The following INPP4B variants were observed in gnomAD, a reference collection of about 807,000 sequenced individuals.
INPP4B encodes the protein inositol polyphosphate-4-phosphatase type II B, also known as inositol polyphosphate 4-phosphatase type II.
Under a neutral mutation model 122.5 loss-of-function variants are expected in INPP4B, and 55 were observed. That is an observed-to-expected ratio of 0.45 (90% CI 0.36 to 0.56). The LOEUF (loss-of-function observed/expected upper bound fraction) is 0.56, where lower values mean the gene tolerates loss of function less well. Ranked by LOEUF, INPP4B falls within the 20% of genes least tolerant of loss-of-function variation. The pLI, the probability that INPP4B is intolerant of heterozygous loss-of-function variation, is 0.00. For missense variants in INPP4B, 1,000 were observed against 1,097.7 expected (o/e 0.91, Z 1.26); for synonymous variants, 403 against 388.7 (o/e 1.04, Z -0.43).
At position 142,025,913 on chromosome 4, in the gene INPP4B, A is replaced by G. The variant is rs2152244742; in HGVS notation, c.*2869T>C. ...TTTGGCAGAGTGTAGACAAACCTCAAGGCGATATTTAAAAGCAAAAAGCAA... is the reference window on the plus strand; with the variant it reads ...TTTGGCAGAGTGTAGACAAACCTCAGGGCGATATTTAAAAGCAAAAAGCAA... On this transcript the variant is annotated 3_prime_UTR_variant, in exon 26 of 26. Transcript: ENST00000262992. 6.6e-6 allele frequency: 1 copy of G among 152,324 alleles called. No homozygotes were observed. Among genetic ancestry groups the G allele is most frequent in the Middle Eastern group, 3.4e-3 (1 of 294 alleles). The allele number at this position is 152,324 out of a possible 1,614,324, so 9.4% of individuals were successfully genotyped here. A position where few individuals can be genotyped will look rare whatever the true frequency, so the allele number is the denominator to read the frequency against.
chr4:142,193,858 T>A (rs1209586627), intron 14 of INPP4B, among the ~76,000 whole-genome samples: 2 of 152,160 alleles, frequency 1.3e-5, no homozygotes, highest in African/African-American at 4.8e-5. Flanking sequence ...CCTTTGATCT[T>A]GAAAGCCATG....
intron 7 of INPP4B, among the ~76,000 whole-genome samples, chr4:142,353,895 A>C (rs1782737579): frequency 6.6e-6 from 1 of 151,862 alleles, no homozygotes; most frequent in Non-Finnish European, 1.5e-5. Flanking sequence ...ATGGTTTCTA[A>C]AATGTTTTTG....
intron 7 of INPP4B, among the ~76,000 whole-genome samples, chr4:142,324,870 T>G (rs1048905831): frequency 6.6e-6 from 1 of 152,154 alleles, no homozygotes; most frequent in Non-Finnish European, 1.5e-5. Context: ...GGCCACTTAC[T>G]TGAGGCCCCT....
intron 2 of INPP4B, among the ~76,000 whole-genome samples, chr4:142,550,597 CA>C (rs1329319119): frequency 7.3e-5 from 1 of 13,648 alleles, no homozygotes; most frequent in Non-Finnish European, 4.3e-4. Flanking sequence ...TATACACACA[CA>C]CACACACATA....
At chr4:142,162,257 G>A (rs1375636521) in intron 16 of INPP4B, among the ~76,000 whole-genome samples, 3 of 149,702 alleles carry the variant, frequency 2.0e-5, no homozygotes, top group African/African-American at 4.9e-5. Flanking sequence ...TACTAGATAG[G>A]CAAAAAAAAG....
intron 7 of INPP4B, among the ~76,000 whole-genome samples, chr4:142,376,021 C>A (rs1045346570): frequency 1.3e-5 from 2 of 151,906 alleles, no homozygotes; most frequent in Admixed American, 6.6e-5. Context: ...ACATGGATAT[C>A]CATCTGCAGG....
chr4:142,495,083 T>G (rs1336908830), intron 2 of INPP4B, among the ~76,000 whole-genome samples: 1 of 152,178 alleles, frequency 6.6e-6, no homozygotes, highest in Non-Finnish European at 1.5e-5. Context: ...TCTTAATGAC[T>G]AATATTCTAC....
At position 142,309,747 on chromosome 4, in the gene INPP4B, T is replaced by A. The variant is rs187861611; in HGVS notation, c.424-4210A>T. Among the ~76,000 whole-genome samples the A allele has an allele frequency of 5.3e-3, 810 of 152,254 alleles. 8 individuals carry two copies. Among genetic ancestry groups the A allele is most frequent in the Non-Finnish European group, 7.9e-3 (534 of 68,002 alleles). On this transcript the variant is annotated intron_variant, in intron 8 of 25. Coordinates refer to ENST00000262992, the MANE Select transcript of INPP4B (RefSeq NM_001101669.3). ...TTGCCTGCTCATGACAACTCAACAC[T>A]CAGTTATTCTGGTGCAAGAACCCCA...
At chr4:142,804,886 C>T (rs1020419329) in intron 1 of INPP4B, among the ~76,000 whole-genome samples, 2 of 152,110 alleles carry the variant, frequency 1.3e-5, no homozygotes, top group African/African-American at 2.4e-5. Flanking sequence ...AGTCTGGTCT[C>T]GAACTCCTGG....
At chr4:142,571,175 C>T (rs895712641) in intron 2 of INPP4B, among the ~76,000 whole-genome samples, 10 of 151,394 alleles carry the variant, frequency 6.6e-5, no homozygotes, top group African/African-American at 2.4e-4. Context: ...CCCAGAAAAG[C>T]TTCCAATCCA....
At chr4:142,184,218 C>T (rs1427849840) in intron 15 of INPP4B, among the ~76,000 whole-genome samples, 1 of 152,190 alleles carries the variant, frequency 6.6e-6, no homozygotes, top group Non-Finnish European at 1.5e-5. Flanking sequence ...AAGAATGTCA[C>T]AACTTGGAGG....
chr4:142,510,437 A>G (rs1180888908), intron 2 of INPP4B, among the ~76,000 whole-genome samples: 1 of 152,234 alleles, frequency 6.6e-6, no homozygotes, highest in Non-Finnish European at 1.5e-5. Flanking sequence ...AATAATAAAG[A>G]ACAAACATAA....
chr4:142,622,345 A>G (rs1279252846), intron 2 of INPP4B, among the ~76,000 whole-genome samples: 1 of 151,538 alleles, frequency 6.6e-6, no homozygotes, highest in African/African-American at 2.4e-5. Context: ...AAAAGTCCCC[A>G]TCCCTTAACC....
intron 18 of INPP4B, among the ~76,000 whole-genome samples, chr4:142,132,579 T>C (rs1294083417): frequency 1.3e-5 from 2 of 152,218 alleles, no homozygotes; most frequent in Non-Finnish European, 1.5e-5. Flanking sequence ...GCATTGATTC[T>C]TTATGCTCTT....
At chr4:142,163,674 G>A (rs540613776) in intron 16 of INPP4B, among the ~76,000 whole-genome samples, 3 of 151,772 alleles carry the variant, frequency 2.0e-5, no homozygotes, top group South Asian at 4.2e-4. Context: ...GCATGTGTAG[G>A]AAAAAAACAG....
chr4:142,638,003 A>G (rs79036383), intron 2 of INPP4B, among the ~76,000 whole-genome samples: 1,753 of 152,292 alleles, frequency 0.012, 30 homozygotes, highest in African/African-American at 0.032. Flanking sequence ...TCTTTCTTGA[A>G]GTATATTTTT....
At chr4:142,393,733 C>T (rs568100460) in intron 7 of INPP4B, among the ~76,000 whole-genome samples, 26 of 152,342 alleles carry the variant, frequency 1.7e-4, no homozygotes, top group Admixed American at 9.8e-4. Context: ...AGCCATACTT[C>T]AACCAATCAT....
intron 2 of INPP4B, among the ~76,000 whole-genome samples, chr4:142,689,155 T>C (rs1759788981): frequency 6.6e-6 from 1 of 152,192 alleles, no homozygotes; most frequent in Non-Finnish European, 1.5e-5. Flanking sequence ...TCTTCTCTCT[T>C]AATAAATCAA....
At chr4:142,545,385 T>A (rs577517142) in intron 2 of INPP4B, among the ~76,000 whole-genome samples, 2 of 152,140 alleles carry the variant, frequency 1.3e-5, no homozygotes, top group South Asian at 4.2e-4. Context: ...ACAGAGAAGG[T>A]AACTATAACA....
Sources: allele counts gnomAD v4.1 joint callset (sites outside exome capture counted in the v4.1 genomes callset), GRCh38; gene constraint gnomAD v4.1.1; transcripts MANE v1.5; gene names NCBI Gene and HGNC (gene_info 2026-07-23, HGNC 2026-07-21).